The following PDLIM5 variants were observed in gnomAD, a reference collection of about 807,000 sequenced individuals.
The protein encoded by PDLIM5 is PDZ and LIM domain 5.
A neutral mutation model predicts 64.2 loss-of-function variants in PDLIM5; 34 were observed. That is an observed-to-expected ratio of 0.53 (90% CI 0.40 to 0.71). The LOEUF is 0.71. PDLIM5 is among the 30% of genes least tolerant of loss of function. The probability of loss-of-function intolerance (pLI) is 0.00; values close to 1 mark genes in which losing one functional copy is unlikely to be tolerated. For synonymous variants in PDLIM5, 253 were observed against 269.1 expected, an observed-to-expected ratio of 0.94 and a Z score of 0.59; for missense variants, 683 against 733.6, an observed-to-expected ratio of 0.93 and a Z score of 0.80.
intron 1 of PDLIM5, among the ~76,000 whole-genome samples, chr4:94,453,875 T>C (rs1418417890): frequency 6.6e-6 from 1 of 152,198 alleles, no homozygotes; most frequent in Non-Finnish European, 1.5e-5. Flanking sequence ...TATTGCCTTG[T>C]AGTTCAGTAT....
At chr4:94,647,431 C>T (rs1741504360) in intron 9 of PDLIM5, among the ~76,000 whole-genome samples, 1 of 151,842 alleles carries the variant, frequency 6.6e-6, no homozygotes, top group Admixed American at 6.6e-5. Flanking sequence ...TGATAAAAAG[C>T]TCAATCCATT....
intron 11 of PDLIM5, among the ~76,000 whole-genome samples, chr4:94,659,943 C>T (rs1374828628): frequency 1.3e-5 from 2 of 149,728 alleles, no homozygotes; most frequent in African/African-American, 5.0e-5. Flanking sequence ...GTCACCCAGG[C>T]TGCAGTGCAG....
At chr4:94,562,455 G>C (rs1258655781) in intron 3 of PDLIM5, among the ~76,000 whole-genome samples, 1 of 152,206 alleles carries the variant, frequency 6.6e-6, no homozygotes, top group Non-Finnish European at 1.5e-5. Context: ...TTCCAGGTCA[G>C]TGCTATTTAA....
chr4:94,588,603 ATAAG>A (rs1736435344), intron 7 of PDLIM5, among the ~76,000 whole-genome samples: 1 of 134,916 alleles, frequency 7.4e-6, no homozygotes, highest in East Asian at 2.1e-4. Flanking sequence ...AAATAAATAA[ATAAG>A]ACACAGTAAA....
At chr4:94,661,574 A>G (rs1028341523) in intron 11 of PDLIM5, among the ~76,000 whole-genome samples, 1 of 152,226 alleles carries the variant, frequency 6.6e-6, no homozygotes, top group African/African-American at 2.4e-5. Flanking sequence ...AAAATACAGC[A>G]AAATAAATTG....
intron 2 of PDLIM5, among the ~76,000 whole-genome samples, chr4:94,488,062 T>G (rs995497338): frequency 1.3e-5 from 2 of 152,200 alleles, no homozygotes; most frequent in African/African-American, 4.8e-5. Context: ...GTGTTTGTGT[T>G]AATATTATGG....
At chr4:94,607,126 T>C (rs1372168163) in intron 7 of PDLIM5, among the ~76,000 whole-genome samples, 1 of 152,196 alleles carries the variant, frequency 6.6e-6, no homozygotes, top group Non-Finnish European at 1.5e-5. Flanking sequence ...TCTTCAACTG[T>C]CTACGTTTTT....
At chr4:94,510,339 G>A (rs1239552023) in intron 2 of PDLIM5, among the ~76,000 whole-genome samples, 1 of 152,094 alleles carries the variant, frequency 6.6e-6, no homozygotes, top group Non-Finnish European at 1.5e-5. Flanking sequence ...TGGAAGATCT[G>A]TGTAAATATT....
chr4:94,605,989 G>T (rs1298048865), intron 7 of PDLIM5, among the ~76,000 whole-genome samples: 3 of 151,066 alleles, frequency 2.0e-5, no homozygotes, highest in East Asian at 1.9e-4. Context: ...GGTATTTTGG[G>T]AGCACTATTC....
chr4:94,629,720 G>A (rs1168039481), intron 8 of PDLIM5, among the ~76,000 whole-genome samples: 2 of 152,226 alleles, frequency 1.3e-5, no homozygotes, highest in Non-Finnish European at 2.9e-5. Context: ...AGACTTGGGT[G>A]CACCTGTTCC....
At chr4:94,644,856 T>C (rs571421616) in intron 9 of PDLIM5, among the ~76,000 whole-genome samples, 82 of 152,314 alleles carry the variant, frequency 5.4e-4, no homozygotes, top group African/African-American at 1.9e-3. Context: ...CCAAGAACTT[T>C]ATTAGTATTA....
chr4:94,563,076 G>T (rs1661748769), intron 3 of PDLIM5, among the ~76,000 whole-genome samples: 1 of 152,156 alleles, frequency 6.6e-6, no homozygotes, highest in Non-Finnish European at 1.5e-5. Flanking sequence ...ACAGTTGAAT[G>T]AGTTTCAGTT....
intron 3 of PDLIM5, among the ~76,000 whole-genome samples, chr4:94,540,226 G>GT (rs1731681999): frequency 6.6e-6 from 1 of 151,426 alleles, no homozygotes; most frequent in Non-Finnish European, 1.5e-5. Context: ...TGCCTCCCGG[G>GT]TTCACACGCC....
chr4:94,456,762 T>A (rs749226918), intron 2 of PDLIM5: 10 of 1,232,572 alleles, frequency 8.1e-6, no homozygotes, highest in Non-Finnish European at 1.0e-5. Flanking sequence ...TTGTGCCAAT[T>A]TACACTTTTG....
chr4:94,665,490 A>T lies in PDLIM5; in HGVS notation c.*1423A>T, dbSNP rs1228607964. The T allele has an allele frequency of 1.4e-5, 8 of 590,330 alleles. No individual in the cohort carries two copies. The highest frequency in any genetic ancestry group is 1.6e-5 in the Non-Finnish European group (8 of 490,636). The allele number at this position is 590,330 out of a possible 1,614,324, so 36.6% of individuals were successfully genotyped here. A position where few individuals can be genotyped will look rare whatever the true frequency, so the allele number is the denominator to read the frequency against. ...GCAAGACTCCGGCTCTTAAAAAAAA[A>T]AAAAAAAAAAAAAAAAGAGAGAGAG... On this transcript the variant is annotated 3_prime_UTR_variant, in exon 13 of 13. Coordinates refer to ENST00000317968, the MANE Select transcript of PDLIM5 (RefSeq NM_006457.5).
intron 3 of PDLIM5, among the ~76,000 whole-genome samples, chr4:94,534,063 C>CATCTGGCAGGAAAGATAGTGGCAG (rs1372824800): frequency 6.6e-6 from 1 of 152,148 alleles, no homozygotes; most frequent in African/African-American, 2.4e-5. Context: ...ATTTATGGCC[C>CATCTGGCAGGAAAGATAGTGGCAG]ATCTGGCAGG....
At chr4:94,476,598 C>T (rs1438117794) in intron 2 of PDLIM5, among the ~76,000 whole-genome samples, 2 of 152,254 alleles carry the variant, frequency 1.3e-5, no homozygotes, top group East Asian at 1.9e-4. Flanking sequence ...TTGGATCTTC[C>T]TCCATCATGA....
At chr4:94,627,146 C>T (rs143885063) in intron 8 of PDLIM5, among the ~76,000 whole-genome samples, 1 of 152,170 alleles carries the variant, frequency 6.6e-6, no homozygotes, top group Non-Finnish European at 1.5e-5. Flanking sequence ...ATTTTGACAT[C>T]ATTAAACTAA....
At position 94,512,040 on chromosome 4, in the gene PDLIM5, A is replaced by G. The variant is rs527325840; in HGVS notation, c.97-11684A>G. Among the ~76,000 whole-genome samples, 5 of 150,582 alleles carry G rather than the reference A, an allele frequency of 3.3e-5. No homozygotes were observed. The South Asian group carries it at 1.0e-3, about 32-fold the overall frequency. On this transcript the variant is annotated intron_variant, in intron 2 of 12. Transcript: ENST00000317968. Reference sequence around the variant, plus strand: ...CAGTGGCTCTATTTTTTTTTTTTTAAGATGTAGTCTTGTTGTGTCACCTAG... The same window carrying G: ...CAGTGGCTCTATTTTTTTTTTTTTAGGATGTAGTCTTGTTGTGTCACCTAG...
Sources: allele counts gnomAD v4.1 joint callset (sites outside exome capture counted in the v4.1 genomes callset), GRCh38; gene constraint gnomAD v4.1.1; transcripts MANE v1.5; gene names NCBI Gene and HGNC (gene_info 2026-07-23, HGNC 2026-07-21).